DIDO1: variants seen among roughly 807,000 people sequenced by gnomAD.
DIDO1 encodes the protein death-inducer obliterator 1.
A neutral mutation model predicts 99.4 loss-of-function variants in DIDO1; 16 were observed. The observed-to-expected ratio is 0.16, with a 90% CI of 0.11 to 0.24. The LOEUF (loss-of-function observed/expected upper bound fraction) is 0.24, where lower values mean the gene tolerates loss of function less well. Among genes scored for constraint, DIDO1 ranks in the 10% least tolerant of loss-of-function variants. DIDO1 has a pLI of 1.00. For synonymous variants in DIDO1, 1,366 were observed against 1,239.1 expected (o/e 1.10, Z -2.15); for missense variants, 2,996 against 3,014.0 (o/e 0.99, Z 0.14).
intron 6 of DIDO1, among the ~76,000 whole-genome samples, chr20:62,902,885 G>A (rs924354930): frequency 3.3e-5 from 5 of 152,188 alleles, no homozygotes; most frequent in African/African-American, 1.2e-4. Flanking sequence ...CACTTAATGA[G>A]CCATTTAGGG....
chr20:62,890,052 G>GGGAACACCCTGCACAGCTATGGCA (rs879462528), intron 15 of DIDO1: 244 of 985,584 alleles, frequency 2.5e-4, no homozygotes, highest in Non-Finnish European at 2.8e-4. Flanking sequence ...GGGTGTGGGT[G>GGGAACACCCTGCACAGCTATGGCA]GGAACACCCT....
At position 62,882,008 on chromosome 20, in the gene DIDO1, G is replaced by A. The variant is rs769832742; in HGVS notation, c.3948C>T (p.His1316=). ...SASKTASPLE[H]ILQTLFGKKK... is the part of the protein sequence containing the mutation. The stretch of plus-strand genomic sequence containing the variant: ...TCTTTCCAAAGAGAGTCTGCAGGAT[G>A]TGCTCCAGCGGTGATGCTGTTTTGG... Residue 1316 remains histidine (H), a synonymous_variant, in exon 16 of 16, where the codon CAC becomes CAT. Transcript: ENST00000395343. 1 of 1,613,548 alleles carries A rather than the reference G, an allele frequency of 6.2e-7. No homozygotes were observed. The highest frequency in any genetic ancestry group is 1.1e-5 in the South Asian group (1 of 91,086).
intron 6 of DIDO1, among the ~76,000 whole-genome samples, chr20:62,903,929 G>A (rs1330424932): frequency 2.0e-5 from 3 of 152,108 alleles, no homozygotes; most frequent in Admixed American, 6.5e-5. Context: ...ACCTCTCCCC[G>A]CTCACAGTGC....
intron 15 of DIDO1, chr20:62,887,699 C>T (rs2064318092): frequency 3.0e-6 from 3 of 985,384 alleles, no homozygotes; most frequent in Non-Finnish European, 3.6e-6. Context: ...CTGCACAGAA[C>T]CCTACACGAT....
At chr20:62,905,549 G>T in intron 6 of DIDO1, 2 of 1,551,086 alleles carry the variant, frequency 1.3e-6, no homozygotes, top group Admixed American at 2.0e-5. Context: ...GTGCCGGGCA[G>T]TGTGGCTATG....
intron 15 of DIDO1, chr20:62,889,603 G>T (rs935086401): frequency 2.0e-6 from 2 of 985,312 alleles, no homozygotes; most frequent in African/African-American, 3.5e-5. Flanking sequence ...CTTCACAGGT[G>T]CGGAGAGGCC....
chr20:62,920,987 G>T (rs2065125733), intron 1 of DIDO1, among the ~76,000 whole-genome samples: 1 of 152,182 alleles, frequency 6.6e-6, no homozygotes, highest in African/African-American at 2.4e-5. Context: ...TCCGCCTCCT[G>T]GGTTCAAGGG....
At chr20:62,888,666 GCGCGCACATGCACA>G (rs1170967089) in intron 15 of DIDO1, 6 of 985,044 alleles carry the variant, frequency 6.1e-6, no homozygotes, top group Admixed American at 6.1e-5. Context: ...ACACACACAC[GCGCGCACATGCACA>G]CGCACTACAC....
chr20:62,909,561 T>A, intron 4 of DIDO1, 138 bp downstream of exon 4: 1 of 923,634 alleles, frequency 1.1e-6, no homozygotes, highest in Non-Finnish European at 1.7e-6. Flanking sequence ...CTCACCCAGG[T>A]GGAGTGAGGC....
chr20:62,935,146 C>G (rs73314663), intron 1 of DIDO1, among the ~76,000 whole-genome samples: 2,653 of 152,286 alleles, frequency 0.017, 86 homozygotes, highest in African/African-American at 0.061. Context: ...GTTGGTGCCA[C>G]CACCTCATCA....
chr20:62,917,802 G>C (rs564807127), intron 1 of DIDO1, among the ~76,000 whole-genome samples: 3 of 152,314 alleles, frequency 2.0e-5, no homozygotes, highest in African/African-American at 7.2e-5. Flanking sequence ...GCTGAAGAGG[G>C]CTCCAATCTG....
intron 1 of DIDO1, among the ~76,000 whole-genome samples, chr20:62,936,759 G>C (rs1307089713): frequency 6.6e-6 from 1 of 152,024 alleles, no homozygotes. Flanking sequence ...AGCTACTCGG[G>C]AGGCTGAGGC....
intron 1 of DIDO1, among the ~76,000 whole-genome samples, chr20:62,916,451 A>G (rs187654535): frequency 1.3e-5 from 2 of 152,342 alleles, no homozygotes; most frequent in East Asian, 3.8e-4. Flanking sequence ...GTCTCAAGAC[A>G]CTTTTACAAG....
exon 1 of DIDO1, chr20:62,937,861 G>A: frequency 2.5e-6 from 1 of 398,564 alleles, no homozygotes; most frequent in Non-Finnish European, 4.4e-6. Flanking sequence ...CAACGCCTCC[G>A]CAGCAGCCAT....
At chr20:62,901,357 G>C (rs141764885) in intron 6 of DIDO1, among the ~76,000 whole-genome samples, 14 of 152,290 alleles carry the variant, frequency 9.2e-5, no homozygotes, top group Admixed American at 4.6e-4. Context: ...CGTGTGATGA[G>C]GGCCACGTGG....
rs2064470108 is a variant in DIDO1, at chr20:62,894,429, G to C, written c.2556C>G (p.Asn852Lys). The C allele has an allele frequency of 1.2e-6, 2 of 1,612,662 alleles. No individual in the cohort carries two copies. Among genetic ancestry groups the C allele is most frequent in the Non-Finnish European group, 1.7e-6 (2 of 1,180,020 alleles). The change falls in exon 11 of 16, where the codon AAC becomes AAG. Residue 852 changes from asparagine to lysine, a missense_variant. By Grantham distance (94) the Asn-to-Lys change is moderately conservative (BLOSUM62 0). Coordinates refer to ENST00000395343, the MANE Select transcript of DIDO1 (RefSeq NM_001193369.2). The surrounding 1 kb of genome is among the most constrained non-coding windows in gnomAD (Gnocchi z 4.4). ...TGTGCTCACCTGTGCAAATTTTACA[G>C]TTGAGATCGAAGAGGTGTGCGCGGT... ...SQHRAHLFDL[N>K]CKICTGQVPS...
chr20:62,906,320 C>T (rs1568862672), intron 5 of DIDO1, among the ~76,000 whole-genome samples: 1 of 152,220 alleles, frequency 6.6e-6, no homozygotes, highest in Non-Finnish European at 1.5e-5. Context: ...GAACTTCAAC[C>T]ACTTGTGCTC....
At chr20:62,920,653 C>T (rs2065120196) in intron 1 of DIDO1, among the ~76,000 whole-genome samples, 1 of 152,170 alleles carries the variant, frequency 6.6e-6, no homozygotes, top group Non-Finnish European at 1.5e-5. Context: ...TTGGGAGGCC[C>T]CCGGATCAAA....
intron 15 of DIDO1, chr20:62,889,484 T>G (rs1273809196): frequency 1.0e-6 from 1 of 985,358 alleles, no homozygotes. Flanking sequence ...CTAAGAATCA[T>G]GTTTCTGTAA....
Sources: allele counts gnomAD v4.1 joint callset (sites outside exome capture counted in the v4.1 genomes callset), GRCh38; gene constraint gnomAD v4.1.1; non-coding constraint Gnocchi (gnomAD v3.1); transcripts MANE v1.5; gene names NCBI Gene and HGNC (gene_info 2026-07-23, HGNC 2026-07-21).